The following SETBP1 variants were observed in gnomAD, a reference collection of about 807,000 sequenced individuals.
SETBP1 encodes the protein SET-binding protein.
In SETBP1, 9 loss-of-function variants were observed where a neutral mutation model predicts 101.0. The ratio of observed to expected loss-of-function variants is 0.09; its 90% CI spans 0.05 to 0.16. SETBP1 has a LOEUF of 0.16. Among genes scored for constraint, SETBP1 ranks in the 10% least tolerant of loss-of-function variants. SETBP1 has a pLI of 1.00. For synonymous variants in SETBP1, 818 were observed against 788.5 expected (o/e 1.04, Z -0.63); for missense variants, 1,858 against 2,033.8 (o/e 0.91, Z 1.66).
At chr18:44,774,210 C>G (rs4556882) in intron 2 of SETBP1, among the ~76,000 whole-genome samples, 92,822 of 151,980 alleles carry the variant, frequency 0.61, 28,535 homozygotes, top group East Asian at 0.75. Flanking sequence ...TTTTGATGTA[C>G]GCATGGATCC....
chr18:44,819,998 G>A (rs189255726), intron 2 of SETBP1, among the ~76,000 whole-genome samples: 2 of 152,368 alleles, frequency 1.3e-5, no homozygotes, highest in African/African-American at 4.8e-5. Context: ...ATTGCTGATG[G>A]TGGAAGGAAC....
At chr18:44,947,864 A>G in intron 3 of SETBP1, among the ~76,000 whole-genome samples, 1 of 152,218 alleles carries the variant, frequency 6.6e-6, no homozygotes, top group East Asian at 1.9e-4. Flanking sequence ...CAGTATGAGT[A>G]ATCATACACT....
At chr18:44,827,598 T>TA (rs2072265070) in intron 2 of SETBP1, among the ~76,000 whole-genome samples, 1 of 152,198 alleles carries the variant, frequency 6.6e-6, no homozygotes, top group Non-Finnish European at 1.5e-5. Flanking sequence ...AAGATGCAGG[T>TA]ATATTGGGCC....
intron 2 of SETBP1, among the ~76,000 whole-genome samples, chr18:44,761,350 A>C (rs903081361): frequency 1.3e-5 from 2 of 152,244 alleles, no homozygotes; most frequent in African/African-American, 4.8e-5. Context: ...ACAGTGTAAT[A>C]GAATACCACA....
chr18:45,017,958 T>C (rs2072982234), intron 4 of SETBP1, among the ~76,000 whole-genome samples: 1 of 152,154 alleles, frequency 6.6e-6, no homozygotes, highest in Non-Finnish European at 1.5e-5. Context: ...AGGACCAGGG[T>C]GCAGAGGTCT....
chr18:44,782,407 A>G (rs2071150375), intron 2 of SETBP1, among the ~76,000 whole-genome samples: 1 of 152,020 alleles, frequency 6.6e-6, no homozygotes. Flanking sequence ...TAATATGTAG[A>G]TTAGAAAGAA....
At chr18:44,960,967 A>G (rs532998563) in intron 4 of SETBP1, among the ~76,000 whole-genome samples, 4 of 152,222 alleles carry the variant, frequency 2.6e-5, no homozygotes, top group African/African-American at 9.6e-5. Flanking sequence ...ATTCCAATGT[A>G]TTGCCTCCAG....
intron 2 of SETBP1, among the ~76,000 whole-genome samples, chr18:44,808,780 G>T (rs996619222): frequency 1.6e-4 from 25 of 152,164 alleles, no homozygotes; most frequent in African/African-American, 5.8e-4. Flanking sequence ...CTGGGGAAGA[G>T]ATTTCAGAAA....
Position 44,807,872 on chromosome 18 carries a change from A to G in SETBP1, c.487-61358A>G, listed in dbSNP as rs1457760826. 2.6e-5 allele frequency among the ~76,000 whole-genome samples: 4 copies of G among 152,148 alleles called. No homozygotes were observed. The East Asian group carries it at 7.7e-4, about 29-fold the overall frequency. ...ATGATGGCAGCTTCAGGGTGGGGGA[A>G]GTGACAAGCTGGACATGTGGGCTGG... On this transcript the variant is annotated intron_variant, in intron 2 of 5. Transcript: ENST00000649279.
At chr18:44,712,953 CTTTTTTTTT>C (rs11323504) in intron 2 of SETBP1, among the ~76,000 whole-genome samples, 2 of 64,898 alleles carry the variant, frequency 3.1e-5, no homozygotes, top group Non-Finnish European at 5.7e-5. Flanking sequence ...CAGCATCCCT[CTTTTTTTTT>C]TTTTTTTTTT....
intron 2 of SETBP1, among the ~76,000 whole-genome samples, chr18:44,737,372 G>T (rs2069992061): frequency 6.6e-6 from 1 of 152,186 alleles, no homozygotes; most frequent in South Asian, 2.1e-4. Context: ...TACCTGCCCT[G>T]GGGAGAGGAC....
intron 4 of SETBP1, among the ~76,000 whole-genome samples, chr18:44,976,095 C>CACACAT (rs1309718335): frequency 6.6e-5 from 10 of 151,798 alleles, no homozygotes; most frequent in Non-Finnish European, 1.5e-5. Flanking sequence ...CACACACACA[C>CACACAT]ACACACACAC....
chr18:44,933,422 C>T (rs752577176), intron 3 of SETBP1, among the ~76,000 whole-genome samples: 27 of 152,226 alleles, frequency 1.8e-4, no homozygotes, highest in Non-Finnish European at 1.5e-4. Context: ...TGGAGGCGGT[C>T]TGTCCATTCT....
intron 2 of SETBP1, among the ~76,000 whole-genome samples, chr18:44,702,368 C>T (rs993775920): frequency 2.6e-4 from 39 of 152,058 alleles, no homozygotes; most frequent in African/African-American, 8.5e-4. Context: ...CTTATCTACT[C>T]GTTAATTACC....
At chr18:44,899,495 G>A (rs1736518450) in intron 3 of SETBP1, among the ~76,000 whole-genome samples, 1 of 152,164 alleles carries the variant, frequency 6.6e-6, no homozygotes, top group Admixed American at 6.5e-5. Flanking sequence ...CCATGTAGGA[G>A]AGAGCTCCAA....
intron 2 of SETBP1, among the ~76,000 whole-genome samples, chr18:44,766,464 T>C (rs2144613270): frequency 6.6e-6 from 1 of 152,310 alleles, no homozygotes; most frequent in Middle Eastern, 3.4e-3. Context: ...CACTGTACAA[T>C]TCCATCTATA....
At chr18:44,886,918 C>T (rs2069662883) in intron 3 of SETBP1, among the ~76,000 whole-genome samples, 1 of 152,242 alleles carries the variant, frequency 6.6e-6, no homozygotes, top group South Asian at 2.1e-4. Flanking sequence ...TTCTCACACT[C>T]AGCTTGTCAG....
intron 2 of SETBP1, among the ~76,000 whole-genome samples, chr18:44,775,516 C>T (rs747718573): frequency 2.6e-5 from 4 of 152,040 alleles, no homozygotes; most frequent in Non-Finnish European, 2.9e-5. Flanking sequence ...TTTTCCCTAC[C>T]ATCACTTCCT....
chr18:44,790,483 G>T (rs1056826719), intron 2 of SETBP1, among the ~76,000 whole-genome samples: 1 of 152,174 alleles, frequency 6.6e-6, no homozygotes, highest in Admixed American at 6.5e-5. Context: ...AGCAAGTGCC[G>T]TCACACTGAG....
Sources: allele counts gnomAD v4.1 joint callset (sites outside exome capture counted in the v4.1 genomes callset), GRCh38; gene constraint gnomAD v4.1.1; transcripts MANE v1.5; gene names NCBI Gene and HGNC (gene_info 2026-07-23, HGNC 2026-07-21).